Variants in CNTN4 observed in about 807,000 individuals in gnomAD.
CNTN4 encodes contactin 4, also known as contactin-4.
CNTN4 carries 77 observed loss-of-function variants against 122.5 expected under a neutral mutation model. The ratio of observed to expected loss-of-function variants is 0.63; its 90% CI spans 0.52 to 0.76. CNTN4 has a LOEUF of 0.76. CNTN4 is among the 30% of genes least tolerant of loss of function. The probability of loss-of-function intolerance (pLI) is 0.00; values close to 1 mark genes in which losing one functional copy is unlikely to be tolerated. For missense variants in CNTN4, 1,256 were observed against 1,259.1 expected (o/e 1.00, Z 0.04); for synonymous variants, 512 against 447.0 (o/e 1.15, Z -1.83).
At chr3:2,820,961 CTTTTTTTT>C (rs67731967) in intron 7 of CNTN4, among the ~76,000 whole-genome samples, 1 of 107,580 alleles carries the variant, frequency 9.3e-6, no homozygotes, top group Non-Finnish European at 1.8e-5. Flanking sequence ...TTTTCTCTTT[CTTTTTTTT>C]TTTTTTTTTT....
At chr3:2,179,848 A>G (rs559995807) in intron 2 of CNTN4, among the ~76,000 whole-genome samples, 13 of 152,118 alleles carry the variant, frequency 8.5e-5, no homozygotes, top group African/African-American at 2.9e-4. Context: ...AAACAACAGC[A>G]AGAAATAGGT....
At chr3:2,662,963 G>A (rs1169457917) in intron 4 of CNTN4, among the ~76,000 whole-genome samples, 1 of 152,048 alleles carries the variant, frequency 6.6e-6, no homozygotes, top group Non-Finnish European at 1.5e-5. Flanking sequence ...TTAGCTGGGT[G>A]TGATGGTGTG....
intron 4 of CNTN4, among the ~76,000 whole-genome samples, chr3:2,581,013 C>A (rs1471600050): frequency 6.6e-6 from 1 of 152,142 alleles, no homozygotes; most frequent in Non-Finnish European, 1.5e-5. Context: ...ATAAAGCTTA[C>A]CATCTTGTAA....
chr3:2,102,983 A>G (rs986008028), intron 2 of CNTN4, among the ~76,000 whole-genome samples: 2 of 152,034 alleles, frequency 1.3e-5, no homozygotes, highest in African/African-American at 4.8e-5. Context: ...GAAGCAGTTA[A>G]TACATACATA....
chr3:2,178,944 A>T (rs1007629155), intron 2 of CNTN4, among the ~76,000 whole-genome samples: 1 of 152,038 alleles, frequency 6.6e-6, no homozygotes, highest in African/African-American at 2.4e-5. Context: ...AGCATCCTTT[A>T]GGTTGGAACT....
chr3:2,530,238 A>G (rs2077546841), intron 3 of CNTN4, among the ~76,000 whole-genome samples: 1 of 152,052 alleles, frequency 6.6e-6, no homozygotes, highest in African/African-American at 2.4e-5. Context: ...ACTGCTTGAC[A>G]AATATAATAC....
At chr3:2,481,033 T>TTTTTTCTTTCTTTCTTTCTTTC in intron 3 of CNTN4, among the ~76,000 whole-genome samples, 1 of 120,078 alleles carries the variant, frequency 8.3e-6, no homozygotes, top group East Asian at 2.2e-4. Context: ...TTTCTTTTTC[T>TTTTTTCTTTCTTTCTTTCTTTC]TTTCTTTCTT....
chr3:2,795,480 T>C (rs900486534), intron 6 of CNTN4, among the ~76,000 whole-genome samples: 2 of 152,154 alleles, frequency 1.3e-5, no homozygotes, highest in African/African-American at 4.8e-5. Context: ...GCATCATTTT[T>C]TCGTCTTAGC....
intron 2 of CNTN4, among the ~76,000 whole-genome samples, chr3:2,293,746 T>C (rs2042211836): frequency 6.6e-6 from 1 of 152,234 alleles, no homozygotes; most frequent in Non-Finnish European, 1.5e-5. Flanking sequence ...TGATAGAATA[T>C]TAATTTTAAT....
At chr3:2,770,733 T>G (rs1203255585) in intron 6 of CNTN4, among the ~76,000 whole-genome samples, 1 of 152,208 alleles carries the variant, frequency 6.6e-6, no homozygotes, top group Non-Finnish European at 1.5e-5. Flanking sequence ...AACTGCTGTT[T>G]GAAAAGCTGA....
intron 6 of CNTN4, among the ~76,000 whole-genome samples, chr3:2,802,467 G>T (rs2092371168): frequency 6.6e-6 from 1 of 152,170 alleles, no homozygotes; most frequent in African/African-American, 2.4e-5. Flanking sequence ...GCACCGAGGT[G>T]CTGTCTAGTG....
chr3:3,020,173 A>C (rs1341912890), intron 14 of CNTN4, among the ~76,000 whole-genome samples: 2 of 152,102 alleles, frequency 1.3e-5, no homozygotes, highest in African/African-American at 2.4e-5. Flanking sequence ...ATAGTACTTC[A>C]AGATTCAAGG....
At chr3:2,871,913 T>C (rs940221190) in intron 8 of CNTN4, among the ~76,000 whole-genome samples, 4 of 152,222 alleles carry the variant, frequency 2.6e-5, no homozygotes, top group African/African-American at 9.6e-5. Flanking sequence ...TTTATAGTTA[T>C]TTATCCAGAT....
chr3:2,332,421 A>T (rs951219218), intron 2 of CNTN4, among the ~76,000 whole-genome samples: 1 of 152,012 alleles, frequency 6.6e-6, no homozygotes, highest in East Asian at 1.9e-4. Flanking sequence ...CTTTTCTTTA[A>T]TTTCCCCAGT....
chr3:2,461,689 G>A (rs779140832), intron 3 of CNTN4, among the ~76,000 whole-genome samples: 16 of 152,144 alleles, frequency 1.1e-4, no homozygotes, highest in South Asian at 4.1e-4. Context: ...TTGAATTTTC[G>A]TATTAATATA....
Position 2,432,252 on chromosome 3 carries a change from T to G in CNTN4, c.-89+93019T>G, listed in dbSNP as rs148421457. 8.5e-5 allele frequency among the ~76,000 whole-genome samples: 13 copies of G among 152,352 alleles called. No homozygotes were observed. The East Asian group carries it at 2.5e-3, about 29-fold the overall frequency. The stretch of plus-strand genomic sequence containing the variant: ...ACTCTCCCTTTCTCCCTTCCATCAC[T>G]GTGCTTATGCATTCATGTGTCCAAT... On this transcript the variant is annotated intron_variant, in intron 3 of 24. Coordinates refer to ENST00000418658, the MANE Select transcript of CNTN4 (RefSeq NM_175607.3).
At chr3:2,936,565 G>A (rs1394859159) in intron 13 of CNTN4, among the ~76,000 whole-genome samples, 1 of 152,134 alleles carries the variant, frequency 6.6e-6, no homozygotes, top group Non-Finnish European at 1.5e-5. Context: ...TCTACCAGCT[G>A]TCTCACTTCA....
intron 5 of CNTN4, among the ~76,000 whole-genome samples, chr3:2,739,319 A>G (rs1035097698): frequency 6.6e-6 from 1 of 152,160 alleles, no homozygotes; most frequent in African/African-American, 2.4e-5. Flanking sequence ...CATTAAAAAA[A>G]AAAACACTCC....
intron 2 of CNTN4, among the ~76,000 whole-genome samples, chr3:2,216,148 A>G (rs987383715): frequency 3.3e-5 from 5 of 152,184 alleles, no homozygotes; most frequent in African/African-American, 1.2e-4. Flanking sequence ...ATGCCCATCA[A>G]TGATAGATTG....
Sources: allele counts gnomAD v4.1 joint callset (sites outside exome capture counted in the v4.1 genomes callset), GRCh38; gene constraint gnomAD v4.1.1; transcripts MANE v1.5; gene names NCBI Gene and HGNC (gene_info 2026-07-23, HGNC 2026-07-21).